The following ST7L variants were observed in gnomAD, a reference collection of about 807,000 sequenced individuals.
The protein encoded by ST7L is suppressor of tumorigenicity 7 protein-like.
ST7L carries 57 observed loss-of-function variants against 72.5 expected under a neutral mutation model. That is an observed-to-expected ratio of 0.79 (90% confidence interval 0.64 to 0.98). ST7L has a LOEUF of 0.98. ST7L is among the 50% of genes least tolerant of loss of function. The pLI, the probability that ST7L is intolerant of heterozygous loss-of-function variation, is 0.00. For synonymous variants in ST7L, 221 were observed against 240.9 expected, an observed-to-expected ratio of 0.92 and a Z score of 0.77; for missense variants, 576 against 672.2, an observed-to-expected ratio of 0.86 and a Z score of 1.58.
At chr1:112,577,164 A>C (rs1415901448) in intron 10 of ST7L, 76 bp from the exon 11 acceptor site, 1 of 893,672 alleles carries the variant, frequency 1.1e-6, no homozygotes, top group African/African-American at 1.7e-5. Flanking sequence ...ATAATAATAC[A>C]GCCCCTTGAA....
At position 112,597,959 on chromosome 1, in the gene ST7L, T is replaced by A; in HGVS notation, c.622+12A>T. ...GATCACTGTTTATACTATGAACAGA[T>A]ATGATACATACCTGTGTCTGAAGGA... On this transcript the variant is annotated intron_variant, in intron 5 of 14. Transcript: ENST00000358039. 1 of 1,593,366 alleles carries A rather than the reference T, an allele frequency of 6.3e-7. No homozygotes were observed. The highest frequency in any genetic ancestry group is 2.2e-5 in the East Asian group (1 of 44,626).
At chr1:112,613,482 T>G (rs1669381249) in intron 2 of ST7L, among the ~76,000 whole-genome samples, 1 of 152,198 alleles carries the variant, frequency 6.6e-6, no homozygotes, top group African/African-American at 2.4e-5. Context: ...TTCCAACCAT[T>G]ACACCAGACT....
intron 14 of ST7L, among the ~76,000 whole-genome samples, chr1:112,541,283 G>GAA (rs763363532): frequency 7.6e-6 from 1 of 131,584 alleles, no homozygotes. Context: ...CCTTGTCTCA[G>GAA]AAAAAAAAAA....
At chr1:112,619,397 C>T (rs1437216128), upstream of ST7L, 17 of 551,790 alleles carry the variant, frequency 3.1e-5, no homozygotes, top group South Asian at 3.7e-4. Context: ...TGAGGGTCAC[C>T]TTTCACACCG....
At chr1:112,581,852 T>C (rs1175047918) in intron 9 of ST7L, 140 bp downstream of exon 9, 2 of 648,488 alleles carry the variant, frequency 3.1e-6, no homozygotes, top group South Asian at 1.8e-5. Context: ...ATAAAGAAGA[T>C]ACTAAATAGC....
At chr1:112,520,177 A>C, downstream of ST7L, 1 of 1,230,020 alleles carries the variant, frequency 8.1e-7, no homozygotes. Flanking sequence ...TGCCCAGCCC[A>C]AAAAAGCGAT....
intron 3 of ST7L, among the ~76,000 whole-genome samples, chr1:112,604,027 G>T (rs1340115106): frequency 6.6e-6 from 1 of 152,120 alleles, no homozygotes; most frequent in Non-Finnish European, 1.5e-5. Flanking sequence ...CATTAATTCG[G>T]CTGGGCACAG....
intron 13 of ST7L, among the ~76,000 whole-genome samples, chr1:112,548,200 CA>C (rs950175481): frequency 6.6e-6 from 1 of 151,502 alleles, no homozygotes; most frequent in East Asian, 2.0e-4. Context: ...ACTAAAAATA[CA>C]AAAAAAATTA....
In ST7L at chr1:112,598,711, T is replaced by C. The variant is rs577247904; in HGVS notation, c.507-625A>G. 4.0e-5 allele frequency among the ~76,000 whole-genome samples: 6 copies of C among 151,720 alleles called. No individual in the cohort carries two copies. In the East Asian group the frequency reaches 1.2e-3, roughly 29 times the overall value. ...ATACCCAAAAGTTATACTTTAACATTAAGAGAAAATAATCATTCAAAAGAA... is the reference window on the plus strand; with the variant it reads ...ATACCCAAAAGTTATACTTTAACATCAAGAGAAAATAATCATTCAAAAGAA... On this transcript the variant is annotated intron_variant, in intron 4 of 14. Coordinates refer to ENST00000358039, the MANE Select transcript of ST7L (RefSeq NM_017744.5).
At chr1:112,552,490 C>T (rs1321432544) in intron 12 of ST7L, among the ~76,000 whole-genome samples, 1 of 152,046 alleles carries the variant, frequency 6.6e-6, no homozygotes, top group Non-Finnish European at 1.5e-5. Context: ...CCACAATCTC[C>T]GCCTCCCAGG....
intron 2 of ST7L, 80 bp from the exon 3 acceptor site, chr1:112,611,083 G>T: frequency 7.1e-7 from 1 of 1,407,262 alleles, no homozygotes; most frequent in Non-Finnish European, 9.6e-7. Context: ...CTCTCAAGAT[G>T]TCCTGTTCAA....
At chr1:112,587,412 G>A (rs1330336034) in intron 6 of ST7L, among the ~76,000 whole-genome samples, 1 of 152,142 alleles carries the variant, frequency 6.6e-6, no homozygotes, top group Admixed American at 6.5e-5. Context: ...GACCAGCCTG[G>A]CCAACATGGT....
At chr1:112,578,306 G>T in intron 10 of ST7L, 39 bp downstream of exon 10, 1 of 1,543,774 alleles carries the variant, frequency 6.5e-7, no homozygotes, top group Non-Finnish European at 9.0e-7. Flanking sequence ...ACTGAGTTTA[G>T]CAGTCTTTCC....
chr1:112,564,370 T>C (rs1442645376), intron 11 of ST7L, among the ~76,000 whole-genome samples: 1 of 152,198 alleles, frequency 6.6e-6, no homozygotes, highest in Non-Finnish European at 1.5e-5. Flanking sequence ...AAAGGTTTCA[T>C]TGTGCTCTAA....
At chr1:112,608,021 A>T (rs1008637817) in intron 3 of ST7L, among the ~76,000 whole-genome samples, 7 of 151,930 alleles carry the variant, frequency 4.6e-5, no homozygotes, top group East Asian at 3.9e-4. Flanking sequence ...CACTTAAAAA[A>T]TTTTTTTTTC....
In ST7L at chr1:112,546,832, C is replaced by T. The variant is rs549771725; in HGVS notation, c.1489+3769G>A. Among the ~76,000 whole-genome samples, 363 of 151,768 alleles carry T rather than the reference C, an allele frequency of 2.4e-3. 3 individuals carry two copies. The highest frequency in any genetic ancestry group is 8.5e-3 in the African/African-American group (353 of 41,408). On this transcript the variant is annotated intron_variant, in intron 13 of 14. Transcript: ENST00000358039. ...TATTATATGTATACTTCATAATATA[C>T]ATTATATACATAACTTAAAAATATA...
At chr1:112,554,938 T>C (rs1570985514) in intron 12 of ST7L, among the ~76,000 whole-genome samples, 1 of 152,068 alleles carries the variant, frequency 6.6e-6, no homozygotes, top group East Asian at 1.9e-4. Flanking sequence ...GTCAAACTCA[T>C]AGAGACAAAG....
intron 11 of ST7L, among the ~76,000 whole-genome samples, chr1:112,557,010 G>C (rs1323793552): frequency 3.3e-5 from 3 of 90,138 alleles, no homozygotes; most frequent in African/African-American, 1.2e-4. Context: ...ACAAAGAAAA[G>C]AAAAAAAAAG....
chr1:112,616,724 C>T (rs1042152527), intron 2 of ST7L, 89 bp downstream of exon 2: 1 of 912,128 alleles, frequency 1.1e-6, no homozygotes, highest in Non-Finnish European at 1.7e-6. Flanking sequence ...GCCTGGGCGA[C>T]AGAGCAAGAC....
Sources: gnomAD v4.1 joint callset for allele counts (sites outside exome capture counted in the v4.1 genomes callset) on GRCh38, gnomAD v4.1.1 for gene constraint, MANE v1.5 for transcripts, NCBI Gene and HGNC (gene_info 2026-07-23, HGNC 2026-07-21) for gene names.